CUL9: variants seen among roughly 807,000 people sequenced by gnomAD.
The protein encoded by CUL9 is cullin 9.
Under a neutral mutation model 272.6 loss-of-function variants are expected in CUL9, and 79 were observed. The ratio of observed to expected loss-of-function variants is 0.29; its 90% CI spans 0.24 to 0.35. CUL9 has a LOEUF of 0.35. CUL9 is among the 10% of genes least tolerant of loss of function. The pLI is 1.00. For synonymous variants in CUL9, 1,186 were observed against 1,286.5 expected, an observed-to-expected ratio of 0.92 and a Z score of 1.67; for missense variants, 2,532 against 3,255.6, an observed-to-expected ratio of 0.78 and a Z score of 5.41.
Position 43,200,925 on chromosome 6 carries a change from G to T in CUL9, c.3647+91G>T. On this transcript the variant is annotated intron_variant, in intron 16 of 40. Transcript: ENST00000252050. The surrounding 1 kb of genome is among the most constrained non-coding windows in gnomAD (Gnocchi z 4.0). ...ACACAACCCCAGCTATAACCCCAAT[G>T]CCTGAGGGACACACTCAAACCTATT... is the stretch of plus-strand genomic sequence containing the variant. 2 of 1,513,206 alleles carry T rather than the reference G, an allele frequency of 1.3e-6. No homozygotes were observed. The highest frequency in any genetic ancestry group is 2.3e-5 in the South Asian group (2 of 85,382). 93.7% of individuals were successfully genotyped at this position (1,513,206 alleles called of 1,614,324 possible). A position where few individuals can be genotyped will look rare whatever the true frequency, so the allele number is the denominator to read the frequency against.
In CUL9 at chr6:43,188,041, G is replaced by T. The variant is rs1333281907; in HGVS notation, c.1910G>T (p.Ser637Ile). 2.5e-6 allele frequency: 4 copies of T among 1,613,834 alleles called. No homozygotes were observed. The highest frequency in any genetic ancestry group is 3.4e-6 in the Non-Finnish European group (4 of 1,179,996). The change falls in exon 7 of 41, where the codon AGT becomes ATT. Residue 637 changes from serine (S) to isoleucine (I), a missense_variant. This residue lies in a region of CUL9 where 2,218 missense variants were observed against 2,788.6 expected (regional missense o/e 0.80). Transcript: ENST00000252050. ...KTRTETPMAQ[S>I]DSQLFNQLLV... Reference sequence around the variant, plus strand: ...AGGACCGAGACCCCCATGGCACAGAGTGATTCTCAGCTGTTTAACCAGCTT... The same window carrying T: ...AGGACCGAGACCCCCATGGCACAGATTGATTCTCAGCTGTTTAACCAGCTT...
intron 26 of CUL9, among the ~76,000 whole-genome samples, chr6:43,210,409 A>G (rs1489263214): frequency 6.6e-6 from 1 of 151,598 alleles, no homozygotes; most frequent in Non-Finnish European, 1.5e-5. Flanking sequence ...ACCCTGGAGC[A>G]CACAGTTTTC....
rs1217158877 is a variant in CUL9 at position 43,213,738 on chromosome 6, G to C, written c.5514G>C (p.Gly1838=). ...HGGVLRLHEP[G]PQRSGEALWL... ...GTGTGCTGCGGCTTCATGAGCCTGG[G>C]CCCCAGCGCAGTGGGGAGGCCCTGT... Residue 1838 remains glycine, a synonymous_variant, in exon 29 of 41, where the codon GGG becomes GGC. Coordinates refer to ENST00000252050, the MANE Select transcript of CUL9 (RefSeq NM_015089.4). The surrounding 1 kb of genome is among the most constrained non-coding windows in gnomAD (Gnocchi z 5.7). 9 of 1,613,626 alleles carry C rather than the reference G, an allele frequency of 5.6e-6. No individual in the cohort carries two copies. In the South Asian group the frequency reaches 9.9e-5, roughly 18 times the overall value.
At chr6:43,187,220 G>A in intron 5 of CUL9, 26 bp from the exon 6 acceptor site, 1 of 1,611,300 alleles carries the variant, frequency 6.2e-7, no homozygotes, top group Non-Finnish European at 8.5e-7. Flanking sequence ...GAGGGGTGCT[G>A]ATGCCCGCCA....
At position 43,221,722 on chromosome 6, in the gene CUL9, C is replaced by T. The variant is rs779209534; in HGVS notation, c.6790C>T (p.Arg2264Cys). 11 of 1,613,796 alleles carry T rather than the reference C, an allele frequency of 6.8e-6. No individual in the cohort carries two copies. The South Asian group carries it at 8.8e-5, about 13-fold the overall frequency. Reference protein sequence around the residue: ...CAKCNHGFCWRCLKSWKPNHK... With the variant: ...CAKCNHGFCWCCLKSWKPNHK... ...CAAATGTAACCATGGATTCTGCTGG[C>T]GCTGCCTCAAGTCCTGGAAGCCAAA... Residue 2264 changes from arginine to cysteine, a missense_variant, in exon 35 of 41, where the codon CGC becomes TGC. Physicochemically the swap from Arg to Cys is radical, Grantham distance 180. Transcript: ENST00000252050. This position sits in a 1 kb window ranked among gnomAD's most constrained non-coding sequence, Gnocchi z 4.2.
chr6:43,202,746 C>T lies in CUL9; in HGVS notation c.3678C>T (p.Asp1226=), dbSNP rs201448023. The T allele has an allele frequency of 6.8e-6, 11 of 1,614,152 alleles. No individual in the cohort carries two copies. In the East Asian group the frequency reaches 2.5e-4, roughly 36 times the overall value. ...TCACTTTGCTGGTGGCCAGTGAGGACTCAAGCTACATGCCAGCCAGGGTGG... is the reference window on the plus strand; with the variant it reads ...TCACTTTGCTGGTGGCCAGTGAGGATTCAAGCTACATGCCAGCCAGGGTGG... ...RQLTLLVASE[D]SSYMPARVVV... Residue 1226 remains aspartate (D), a synonymous_variant, in exon 17 of 41, where the codon GAC becomes GAT. Transcript: ENST00000252050.
Position 43,223,812 on chromosome 6 carries a change from C to A in CUL9, c.7285-283C>A. On this transcript the variant is annotated intron_variant, in intron 39 of 40. Transcript: ENST00000252050. This position sits in a 1 kb window ranked among gnomAD's most constrained non-coding sequence, Gnocchi z 4.1. ...CTGATGCTGAGTCTAAACTGTGAGT[C>A]CTGTCCTCAGGTTGCTTACTGACTG... is the stretch of plus-strand genomic sequence containing the variant. The A allele has an allele frequency of 1.9e-6, 1 of 535,246 alleles. No individual in the cohort carries two copies. The highest frequency in any genetic ancestry group is 3.4e-6 in the Non-Finnish European group (1 of 296,344). 33.2% of individuals were successfully genotyped at this position (535,246 alleles called of 1,614,324 possible). A position where few individuals can be genotyped will look rare whatever the true frequency, so the allele number is the denominator to read the frequency against.
Position 43,199,360 on chromosome 6 carries a change from A to C in CUL9, c.3145A>C (p.Ser1049Arg). The change falls in exon 13 of 41, where the codon AGT becomes CGT. Residue 1049 changes from serine (S) to arginine (R), a missense_variant. Transcript: ENST00000252050. The surrounding 1 kb of genome is among the most constrained non-coding windows in gnomAD (Gnocchi z 4.4). ...PCLNCLSGPS[S>R]DSEIVQELTC... ...CCTCAACTGCCTGAGTGGCCCTAGC[A>C]GTGACTCCGAGGTACCAGAACCCTG... 1 of 1,612,580 alleles carries C rather than the reference A, an allele frequency of 6.2e-7. No homozygotes were observed. The highest frequency in any genetic ancestry group is 8.5e-7 in the Non-Finnish European group (1 of 1,178,894).
Position 43,203,185 on chromosome 6 carries a change from G to T in CUL9, c.3830G>T (p.Arg1277Leu), listed in dbSNP as rs867319922. Residue 1277 changes from arginine to leucine, a missense_variant, in exon 18 of 41, where the codon CGC becomes CTC. This residue lies in a region of CUL9 where 2,218 missense variants were observed against 2,788.6 expected (regional missense o/e 0.80). Coordinates refer to ENST00000252050, the MANE Select transcript of CUL9 (RefSeq NM_015089.4). The surrounding 1 kb of genome is among the most constrained non-coding windows in gnomAD (Gnocchi z 5.0). ...LNRFWPIIQI[R>L]IKRCQQGGID... Reference sequence around the variant, plus strand: ...CGCTTCTGGCCCATCATCCAGATCCGCATAAAGCGCTGCCAGCAGGTGGTG... The same window carrying T: ...CGCTTCTGGCCCATCATCCAGATCCTCATAAAGCGCTGCCAGCAGGTGGTG... 4 of 1,614,020 alleles carry T rather than the reference G, an allele frequency of 2.5e-6. No homozygotes were observed. The highest frequency in any genetic ancestry group is 3.4e-6 in the Non-Finnish European group (4 of 1,180,034).
rs746579672 is a variant in CUL9 at position 43,216,293 on chromosome 6, T to C, written c.6072T>C (p.Ala2024=). 1 of 1,614,076 alleles carries C rather than the reference T, an allele frequency of 6.2e-7. No homozygotes were observed. Among genetic ancestry groups the C allele is most frequent in the South Asian group, 1.1e-5 (1 of 91,066 alleles). Residue 2024 remains alanine (A), a synonymous_variant, in exon 31 of 41, where the codon GCT becomes GCC. Coordinates refer to ENST00000252050, the MANE Select transcript of CUL9 (RefSeq NM_015089.4). ...CGCTGAACTTAGAGCCAGATGTCGC[T>C]CAGCACCTTTTGGCTCATTCCCACT... The part of the protein sequence containing the change: ...QETLNLEPDV[A]QHLLAHSHWG...
Position 43,206,604 on chromosome 6 carries a change from G to T in CUL9, c.5212+94G>T. 1 of 1,143,528 alleles carries T rather than the reference G, an allele frequency of 8.7e-7. No homozygotes were observed. Among genetic ancestry groups the T allele is most frequent in the Non-Finnish European group, 1.3e-6 (1 of 788,802 alleles). 70.8% of individuals were successfully genotyped at this position (1,143,528 alleles called of 1,614,324 possible). A position where few individuals can be genotyped will look rare whatever the true frequency, so the allele number is the denominator to read the frequency against. ...GGACCTTTGGACAGGATATAGATGTGAAGAAAAATATCAGCTCCTAGCGAG... is the reference window on the plus strand; with the variant it reads ...GGACCTTTGGACAGGATATAGATGTTAAGAAAAATATCAGCTCCTAGCGAG... On this transcript the variant is annotated intron_variant, in intron 26 of 40. Coordinates refer to ENST00000252050, the MANE Select transcript of CUL9 (RefSeq NM_015089.4). This position sits in a 1 kb window ranked among gnomAD's most constrained non-coding sequence, Gnocchi z 4.8.
Position 43,187,788 on chromosome 6 carries a change from A to C in CUL9, c.1657A>C (p.Ser553Arg), listed in dbSNP as rs746330082. ...MAESLLQVLS[S>R]RFEGSTLNDL... ...CGAGAGTCTGCTGCAGGTTCTCAGT[A>C]GTCGATTTGAGGGCAGCACTCTCAA... The change falls in exon 7 of 41, where the codon AGT (serine) becomes CGT (arginine). Residue 553 changes from serine (S) to arginine (R), a missense_variant. Ser to Arg is a moderately radical substitution (Grantham distance 110). This residue lies in a region of CUL9 where 2,218 missense variants were observed against 2,788.6 expected (regional missense o/e 0.80). Transcript: ENST00000252050. 2.5e-6 allele frequency: 4 copies of C among 1,613,878 alleles called. No homozygotes were observed. The highest frequency in any genetic ancestry group is 3.3e-4 in the Middle Eastern group (2 of 6,024).
At chr6:43,198,505 G>C (rs556827312) in intron 11 of CUL9, 104 bp from the exon 12 acceptor site, 18 of 1,533,884 alleles carry the variant, frequency 1.2e-5, no homozygotes, top group Non-Finnish European at 1.5e-5. Context: ...CCTCAATATA[G>C]AAGGAAAATT....
At chr6:43,194,166 G>C (rs1358972415) in intron 9 of CUL9, among the ~76,000 whole-genome samples, 1 of 152,154 alleles carries the variant, frequency 6.6e-6, no homozygotes, top group Non-Finnish European at 1.5e-5. Flanking sequence ...GGCAGGCTTC[G>C]GCCAGAGCAG....
At chr6:43,182,995 C>G in intron 1 of CUL9, among the ~76,000 whole-genome samples, 1 of 152,198 alleles carries the variant, frequency 6.6e-6, no homozygotes, top group East Asian at 1.9e-4. Context: ...GTGCTAGATG[C>G]TGTTCCAAGT....
intron 11 of CUL9, among the ~76,000 whole-genome samples, 166 bp downstream of exon 11, chr6:43,197,028 G>A (rs952790575): frequency 2.0e-5 from 3 of 152,072 alleles, no homozygotes; most frequent in Non-Finnish European, 4.4e-5. Flanking sequence ...GGGAGACTGT[G>A]GAATATGTGC....
chr6:43,202,670 C>T, intron 16 of CUL9, 46 bp from the exon 17 acceptor site: 2 of 1,545,692 alleles, frequency 1.3e-6, no homozygotes, highest in South Asian at 2.2e-5. Flanking sequence ...TGTGAGCCAC[C>T]ACGTCCAGAG....
chr6:43,201,543 GATCTC>G (rs1774553311), intron 16 of CUL9, among the ~76,000 whole-genome samples: 1 of 152,162 alleles, frequency 6.6e-6, no homozygotes, highest in African/African-American at 2.4e-5. Flanking sequence ...ACAGTGGTGT[GATCTC>G]AGCTCACTGC....
intron 8 of CUL9, 98 bp from the exon 9 acceptor site, chr6:43,192,903 G>C (rs1773655755): frequency 2.9e-6 from 3 of 1,021,674 alleles, no homozygotes. Context: ...ACTAGATCTT[G>C]GTGGATGGGA....
Sources: allele counts gnomAD v4.1 joint callset (sites outside exome capture counted in the v4.1 genomes callset), GRCh38; gene constraint gnomAD v4.1.1; regional missense constraint gnomAD v4.1.1; non-coding constraint Gnocchi (gnomAD v3.1); transcripts MANE v1.5; gene names NCBI Gene and HGNC (gene_info 2026-07-23, HGNC 2026-07-21).